Variants in GRM8 observed in about 807,000 individuals in gnomAD.
GRM8 encodes metabotropic glutamate receptor 8.
In GRM8, 47 loss-of-function variants were observed where a neutral mutation model predicts 87.2. The ratio of observed to expected loss-of-function variants is 0.54; its 90% CI spans 0.43 to 0.69. GRM8 has a LOEUF of 0.69. Ranked by LOEUF, GRM8 falls within the 30% of genes least tolerant of loss-of-function variation. The probability of loss-of-function intolerance (pLI) is 0.00; values close to 1 mark genes in which losing one functional copy is unlikely to be tolerated. For missense variants in GRM8, 1,019 were observed against 1,139.2 expected (o/e 0.89, Z 1.52); for synonymous variants, 396 against 404.5 (o/e 0.98, Z 0.25).
At chr7:126,623,935 C>T (rs547017145) in intron 7 of GRM8, among the ~76,000 whole-genome samples, 175 of 152,222 alleles carry the variant, frequency 1.1e-3, no homozygotes, top group African/African-American at 4.1e-3. Flanking sequence ...AGAGAGAGAA[C>T]CTGTCCCCAC....
At chr7:126,585,681 C>T (rs1047980336) in intron 8 of GRM8, among the ~76,000 whole-genome samples, 2 of 152,040 alleles carry the variant, frequency 1.3e-5, no homozygotes, top group Admixed American at 6.5e-5. Context: ...GGACGTATCT[C>T]AAAATAATAA....
chr7:126,985,744 G>A (rs979176250), intron 3 of GRM8, among the ~76,000 whole-genome samples: 1 of 152,052 alleles, frequency 6.6e-6, no homozygotes, highest in Non-Finnish European at 1.5e-5. Flanking sequence ...AGTCACTTCT[G>A]ATGACAACCC....
In GRM8 at chr7:127,034,545, T is replaced by C. The variant is rs975609036; in HGVS notation, c.727+71951A>G. ...TTCCCCCTGTTCCTTCCCTTTTCCC[T>C]CTTCATATCCAGACCTAAATGGCAA... On this transcript the variant is annotated intron_variant, in intron 3 of 10. Transcript: ENST00000339582. Among the ~76,000 whole-genome samples, 6 of 152,190 alleles carry C rather than the reference T, an allele frequency of 3.9e-5. No homozygotes were observed. In the East Asian group the frequency reaches 7.7e-4, roughly 20 times the overall value.
chr7:126,534,920 T>C (rs1342842771), intron 8 of GRM8, among the ~76,000 whole-genome samples: 2 of 152,062 alleles, frequency 1.3e-5, no homozygotes, highest in South Asian at 4.1e-4. Context: ...CCTCGATACA[T>C]ATTTGTTGAA....
At chr7:127,163,924 A>G (rs1793281834) in intron 2 of GRM8, among the ~76,000 whole-genome samples, 1 of 152,158 alleles carries the variant, frequency 6.6e-6, no homozygotes, top group Non-Finnish European at 1.5e-5. Context: ...TGAGCAGAGA[A>G]TATCAGCAAG....
intron 2 of GRM8, among the ~76,000 whole-genome samples, chr7:127,165,694 C>A (rs1273200195): frequency 6.6e-6 from 1 of 152,132 alleles, no homozygotes; most frequent in Non-Finnish European, 1.5e-5. Flanking sequence ...TAAGAAATTG[C>A]CCACAGCCTG....
At chr7:126,500,319 T>G (rs1053633203) in intron 9 of GRM8, among the ~76,000 whole-genome samples, 38 of 152,120 alleles carry the variant, frequency 2.5e-4, no homozygotes, top group African/African-American at 9.1e-4. Context: ...GGTTTCTTCT[T>G]GTTAGTTGGA....
intron 7 of GRM8, among the ~76,000 whole-genome samples, chr7:126,744,252 A>T (rs1815367039): frequency 6.6e-6 from 1 of 152,074 alleles, no homozygotes; most frequent in Admixed American, 6.6e-5. Flanking sequence ...TTTTTCTTGA[A>T]GAAACGACTG....
chr7:126,713,357 A>C (rs1563115841), intron 7 of GRM8, among the ~76,000 whole-genome samples: 3 of 152,138 alleles, frequency 2.0e-5, no homozygotes, highest in South Asian at 2.1e-4. Context: ...CAGAAAACCA[A>C]ATACCACATG....
intron 7 of GRM8, among the ~76,000 whole-genome samples, chr7:126,715,659 A>C (rs1021570844): frequency 5.9e-5 from 9 of 152,292 alleles, no homozygotes; most frequent in African/African-American, 2.2e-4. Flanking sequence ...TATTGAAAAA[A>C]ATTCGTGGAT....
intron 2 of GRM8, among the ~76,000 whole-genome samples, chr7:127,224,632 A>G (rs1377960141): frequency 1.3e-5 from 2 of 152,334 alleles, no homozygotes; most frequent in East Asian, 3.9e-4. Context: ...ATATATAAAT[A>G]CAATCGAGTT....
intron 6 of GRM8, among the ~76,000 whole-genome samples, chr7:126,779,744 T>C (rs1204147606): frequency 6.6e-6 from 1 of 152,196 alleles, no homozygotes; most frequent in Non-Finnish European, 1.5e-5. Flanking sequence ...GTATAATTTA[T>C]AAATTTCTAT....
rs771037398 is a variant in GRM8, at chr7:127,106,665, G to A, written c.558C>T (p.Asn186=). The change falls in exon 3 of 11, where the codon AAC becomes AAT. Residue 186 remains asparagine (N), a synonymous_variant. Transcript: ENST00000339582. ...YASTAPELSD[N]TRYDFFSRVV... is the part of the protein sequence containing the mutation. ...CTCGAGAGAAAAAGTCATACCTGGT[G>A]TTATCACTTAGCTCTGGGGCTGTGG... 1.2e-6 allele frequency: 2 copies of A among 1,613,960 alleles called. No homozygotes were observed. Among genetic ancestry groups the A allele is most frequent in the Admixed American group, 1.7e-5 (1 of 59,996 alleles).
intron 7 of GRM8, among the ~76,000 whole-genome samples, chr7:126,633,587 G>A (rs1801556412): frequency 1.3e-5 from 2 of 152,178 alleles, no homozygotes; most frequent in East Asian, 3.9e-4. Context: ...CAGTTTTCAT[G>A]ACACTGATAT....
intron 8 of GRM8, among the ~76,000 whole-genome samples, chr7:126,601,449 T>G (rs1175638768): frequency 6.6e-6 from 1 of 152,176 alleles, no homozygotes; most frequent in Non-Finnish European, 1.5e-5. Context: ...ATATACCCAG[T>G]AATGGGATGG....
At chr7:126,864,982 G>A (rs1356634599) in intron 6 of GRM8, among the ~76,000 whole-genome samples, 1 of 152,164 alleles carries the variant, frequency 6.6e-6, no homozygotes, top group Non-Finnish European at 1.5e-5. Context: ...ATGTGGTCTT[G>A]CCAACCCATA....
At chr7:126,457,280 A>T (rs1803369389) in intron 9 of GRM8, among the ~76,000 whole-genome samples, 1 of 151,566 alleles carries the variant, frequency 6.6e-6, no homozygotes, top group South Asian at 2.1e-4. Context: ...GGAGATATAT[A>T]AAACATGATA....
At chr7:126,718,049 G>A (rs889311871) in intron 7 of GRM8, among the ~76,000 whole-genome samples, 4 of 151,872 alleles carry the variant, frequency 2.6e-5, no homozygotes, top group East Asian at 3.9e-4. Flanking sequence ...TGGCCAACAC[G>A]GTGAAACCCC....
chr7:126,630,598 T>G (rs907748083), intron 7 of GRM8, among the ~76,000 whole-genome samples: 1 of 152,104 alleles, frequency 6.6e-6, no homozygotes, highest in African/African-American at 2.4e-5. Flanking sequence ...TTCAGGCCAA[T>G]ATCCTTGATG....
Sources: gnomAD v4.1 joint callset for allele counts (sites outside exome capture counted in the v4.1 genomes callset) on GRCh38, gnomAD v4.1.1 for gene constraint, MANE v1.5 for transcripts, NCBI Gene and HGNC (gene_info 2026-07-23, HGNC 2026-07-21) for gene names.